The following PCM1 variants were observed in gnomAD, a reference collection of about 807,000 sequenced individuals.
The protein encoded by PCM1 is pericentriolar material 1 protein.
A neutral mutation model predicts 241.9 loss-of-function variants in PCM1; 157 were observed. The observed-to-expected ratio is 0.65, with a 90% CI of 0.57 to 0.74. PCM1 has a LOEUF of 0.74. Ranked by LOEUF, PCM1 falls within the 30% of genes least tolerant of loss-of-function variation. PCM1 has a pLI of 0.00. For missense variants in PCM1, 3,478 were observed against 2,360.1 expected, an observed-to-expected ratio of 1.47 and a Z score of -9.81; for synonymous variants, 1,085 against 784.9, an observed-to-expected ratio of 1.38 and a Z score of -6.39.
At chr8:17,940,650 G>C (rs1392015819) in intron 6 of PCM1, among the ~76,000 whole-genome samples, 2 of 152,110 alleles carry the variant, frequency 1.3e-5, no homozygotes, top group African/African-American at 2.4e-5. Flanking sequence ...TCGAGAGAAA[G>C]ACTAGTAAAT....
chr8:17,949,982 C>G (rs2065398970), intron 7 of PCM1, among the ~76,000 whole-genome samples: 1 of 152,092 alleles, frequency 6.6e-6, no homozygotes, highest in Non-Finnish European at 1.5e-5. Flanking sequence ...CAAACAGCCA[C>G]TTCAATAAAT....
At chr8:17,955,264 G>A (rs2129460348) in intron 9 of PCM1, among the ~76,000 whole-genome samples, 1 of 152,222 alleles carries the variant, frequency 6.6e-6, no homozygotes, top group African/African-American at 2.4e-5. Context: ...GATAGAACCT[G>A]TGGAAGAAAG....
At position 17,935,591 on chromosome 8, in the gene PCM1, AG is replaced by A; in HGVS notation, c.-19del. 1 of 1,070,174 alleles carries A rather than the reference AG, an allele frequency of 9.3e-7. No individual in the cohort carries two copies. The highest frequency in any genetic ancestry group is 1.5e-6 in the Non-Finnish European group (1 of 686,070). 66.3% of individuals were successfully genotyped at this position (1,070,174 alleles called of 1,614,324 possible). ...TCAGTTCTTAACTTGTTTCGCAGAG[AG>A]TTAATTGTTAAATCCAGTATGGCCA... On this transcript the variant is annotated 5_prime_UTR_variant, in exon 3 of 39. Transcript: ENST00000325083.
intron 38 of PCM1, 38 bp from the exon 39 acceptor site, chr8:18,027,599 A>G (rs767673928): frequency 1.5e-5 from 22 of 1,464,990 alleles, no homozygotes; most frequent in Admixed American, 1.8e-5. Flanking sequence ...TAGTAATTCG[A>G]TAAGTAATTT....
intron 36 of PCM1, among the ~76,000 whole-genome samples, chr8:18,018,838 A>ATATG (rs1396012640): frequency 6.4e-4 from 79 of 122,894 alleles, no homozygotes; most frequent in African/African-American, 2.4e-3. Context: ...ATATATATAT[A>ATATG]TGTGTGTGTG....
intron 3 of PCM1, among the ~76,000 whole-genome samples, chr8:17,936,722 G>C (rs892356323): frequency 1.3e-5 from 2 of 152,140 alleles, no homozygotes; most frequent in Non-Finnish European, 2.9e-5. Flanking sequence ...ATTAGGTTTA[G>C]AACCTAGGTT....
At chr8:17,928,337 C>T (rs967991675) in intron 2 of PCM1, among the ~76,000 whole-genome samples, 1 of 152,186 alleles carries the variant, frequency 6.6e-6, no homozygotes, top group Non-Finnish European at 1.5e-5. Flanking sequence ...TACTTTTCTA[C>T]GCTCTCTCAG....
At position 17,972,604 on chromosome 8, in the gene PCM1, G is replaced by C; in HGVS notation, c.3860G>C (p.Ser1287Thr). 1 of 1,594,406 alleles carries C rather than the reference G, an allele frequency of 6.3e-7. No individual in the cohort carries two copies. Among genetic ancestry groups the C allele is most frequent in the South Asian group, 1.2e-5 (1 of 86,124 alleles). ...FKTRKASAQA[S>T]LASKDKTPKS... ...ACAAGAAAAGCGTCTGCACAGGCCAGCCTGGCATCTAAAGATAAAACTCCC... is the reference window on the plus strand; with the variant it reads ...ACAAGAAAAGCGTCTGCACAGGCCACCCTGGCATCTAAAGATAAAACTCCC... Residue 1287 changes from serine (S) to threonine (T), a missense_variant, in exon 23 of 39, where the codon AGC (serine) becomes ACC (threonine). Coordinates refer to ENST00000325083, the MANE Select transcript of PCM1 (RefSeq NM_006197.4).
At chr8:17,951,241 T>C (rs1362809989) in intron 8 of PCM1, among the ~76,000 whole-genome samples, 81 of 152,204 alleles carry the variant, frequency 5.3e-4, no homozygotes, top group Non-Finnish European at 1.6e-4. Flanking sequence ...ATTTTCAATA[T>C]GGGGGCCTTG....
At chr8:17,946,684 A>G (rs1428373164) in intron 6 of PCM1, among the ~76,000 whole-genome samples, 1 of 151,966 alleles carries the variant, frequency 6.6e-6, no homozygotes, top group Non-Finnish European at 1.5e-5. Context: ...TTTAGTAGAG[A>G]TGGGGTTTCA....
chr8:17,981,735 A>G (rs1054735566), intron 24 of PCM1, among the ~76,000 whole-genome samples: 2 of 152,034 alleles, frequency 1.3e-5, no homozygotes, highest in Admixed American at 6.6e-5. Context: ...TTTTATTTCC[A>G]TTTTTCGGAG....
chr8:17,976,786 C>T (rs1179948477), intron 23 of PCM1, among the ~76,000 whole-genome samples: 1 of 151,616 alleles, frequency 6.6e-6, no homozygotes, highest in African/African-American at 2.4e-5. Context: ...ACATCCTTAT[C>T]TCTCATCAGT....
intron 22 of PCM1, among the ~76,000 whole-genome samples, chr8:17,971,752 T>G (rs1020506358): frequency 6.6e-6 from 1 of 152,126 alleles, no homozygotes; most frequent in African/African-American, 2.4e-5. Context: ...TTTTTGTTGT[T>G]TTTTCTAGAG....
intron 3 of PCM1, 132 bp downstream of exon 3, chr8:17,935,838 C>T (rs578065588): frequency 3.0e-4 from 148 of 487,678 alleles, no homozygotes; most frequent in South Asian, 9.9e-4. Flanking sequence ...GACCCTGGGC[C>T]GTTTATTATA....
chr8:17,926,791 A>G (rs189234817), intron 2 of PCM1: 1 of 152,348 alleles, frequency 6.6e-6, no homozygotes, highest in East Asian at 1.9e-4. Context: ...CAGGAAGGCT[A>G]AGAGCAGTTT....
At chr8:17,948,400 G>T (rs897783698) in intron 7 of PCM1, among the ~76,000 whole-genome samples, 3 of 141,944 alleles carry the variant, frequency 2.1e-5, no homozygotes, top group African/African-American at 8.0e-5. Flanking sequence ...TGCCTCCCAG[G>T]TTCAAGTGAT....
At chr8:17,957,480 C>T (rs1012079390) in intron 12 of PCM1, 59 bp downstream of exon 12, 26 of 1,604,250 alleles carry the variant, frequency 1.6e-5, no homozygotes, top group South Asian at 3.3e-5. Context: ...AGTGGGTTTT[C>T]GTTCATGTGT....
Position 18,009,757 on chromosome 8 carries a change from C to G in PCM1, c.5160+13C>G, listed in dbSNP as rs951694333. ...TTGTGCCAAAGAGGTAAATAACGTT[C>G]ATTTTGATTTTTAGGATAATTGACA... On this transcript the variant is annotated intron_variant, in intron 31 of 38. Coordinates refer to ENST00000325083, the MANE Select transcript of PCM1 (RefSeq NM_006197.4). 7.2e-7 allele frequency: 1 copy of G among 1,393,754 alleles called. No individual in the cohort carries two copies. Among genetic ancestry groups the G allele is most frequent in the Non-Finnish European group, 9.4e-7 (1 of 1,062,014 alleles). The allele number at this position is 1,393,754 out of a possible 1,614,324, so 86.3% of individuals were successfully genotyped here. A position where few individuals can be genotyped will look rare whatever the true frequency, so the allele number is the denominator to read the frequency against.
chr8:18,010,261 G>A (rs1249116846), intron 31 of PCM1, among the ~76,000 whole-genome samples: 1 of 152,150 alleles, frequency 6.6e-6, no homozygotes, highest in Non-Finnish European at 1.5e-5. Flanking sequence ...ATACCAGGAA[G>A]CCTTTTCCCT....
Sources: allele counts gnomAD v4.1 joint callset (sites outside exome capture counted in the v4.1 genomes callset), GRCh38; gene constraint gnomAD v4.1.1; transcripts MANE v1.5; gene names NCBI Gene and HGNC (gene_info 2026-07-23, HGNC 2026-07-21).